The following SCMH1 variants were observed in gnomAD, a reference collection of about 807,000 sequenced individuals.
The protein encoded by SCMH1 is polycomb protein SCMH1.
Under a neutral mutation model 70.8 loss-of-function variants are expected in SCMH1, and 37 were observed. The observed-to-expected ratio is 0.52, with a 90% CI of 0.40 to 0.69. The LOEUF is 0.69. Among genes scored for constraint, SCMH1 ranks in the 30% least tolerant of loss-of-function variants. The pLI, the probability that SCMH1 is intolerant of heterozygous loss-of-function variation, is 0.00. For synonymous variants in SCMH1, 292 were observed against 307.4 expected (o/e 0.95, Z 0.52); for missense variants, 607 against 827.3 (o/e 0.73, Z 3.27).
At chr1:41,242,276 G>A (rs983166719), upstream of SCMH1, 9 of 145,196 alleles carry the variant, frequency 6.2e-5, no homozygotes, top group Non-Finnish European at 1.2e-4. The surrounding 1 kb of genome is among the most constrained non-coding windows in gnomAD (Gnocchi z 5.2). Context: ...CCGCTGCGAG[G>A]TGGCGCGCGC....
chr1:41,235,519 C>T (rs938276042), intron 1 of SCMH1, among the ~76,000 whole-genome samples: 2 of 140,106 alleles, frequency 1.4e-5, no homozygotes, highest in African/African-American at 5.4e-5. Context: ...TGCAGTGAGC[C>T]GAGATCGCAC....
chr1:41,233,411 T>C (rs969414079), intron 1 of SCMH1, among the ~76,000 whole-genome samples: 1 of 152,106 alleles, frequency 6.6e-6, no homozygotes, highest in African/African-American at 2.4e-5. Flanking sequence ...ATAAACAAAA[T>C]TGTCACTATC....
At chr1:41,223,056 T>C (rs1336241121) in intron 1 of SCMH1, among the ~76,000 whole-genome samples, 1 of 152,188 alleles carries the variant, frequency 6.6e-6, no homozygotes, top group African/African-American at 2.4e-5. Context: ...TATCCCCTAA[T>C]CTGAATTTTC....
intron 12 of SCMH1, among the ~76,000 whole-genome samples, chr1:41,038,507 C>T (rs1645631413): frequency 6.6e-6 from 1 of 152,146 alleles, no homozygotes; most frequent in African/African-American, 2.4e-5. Context: ...CTGATGAACA[C>T]TAAATTTGAG....
intron 14 of SCMH1, 82 bp from the exon 16 acceptor site, chr1:41,028,401 A>G: frequency 1.3e-6 from 2 of 1,569,764 alleles, no homozygotes; most frequent in Non-Finnish European, 8.7e-7. Context: ...GGTTCTGATT[A>G]TAGGCCATCC....
chr1:41,075,214 C>G lies in SCMH1; in HGVS notation c.978+5G>C. The G allele has an allele frequency of 6.2e-7, 1 of 1,613,874 alleles. No individual in the cohort carries two copies. Reference sequence around the variant, plus strand: ...TCCTTTCTGGGAAACCCACATTTTACCTACCTTGCTGCCAGGTTTGGGACC... The same window carrying G: ...TCCTTTCTGGGAAACCCACATTTTAGCTACCTTGCTGCCAGGTTTGGGACC... On this transcript the variant is annotated splice_donor_5th_base_variant and intron_variant, in intron 9 of 14. Transcript: ENST00000337495.
chr1:41,097,600 T>C (rs1665448349), intron 8 of SCMH1, among the ~76,000 whole-genome samples: 1 of 152,150 alleles, frequency 6.6e-6, no homozygotes, highest in African/African-American at 2.4e-5. Flanking sequence ...TCCCAAGTAG[T>C]TGGGACTACA....
intron 10 of SCMH1, among the ~76,000 whole-genome samples, chr1:41,067,119 T>G (rs1654857209): frequency 6.6e-6 from 1 of 152,112 alleles, no homozygotes; most frequent in Non-Finnish European, 1.5e-5. Flanking sequence ...GTGAAACATC[T>G]GGACAATGAA....
At chr1:41,124,636 C>G (rs1001276366) in intron 6 of SCMH1, among the ~76,000 whole-genome samples, 5 of 151,956 alleles carry the variant, frequency 3.3e-5, no homozygotes, top group African/African-American at 1.2e-4. Flanking sequence ...GAGACAGGGT[C>G]TTTCTCTGTT....
intron 10 of SCMH1, among the ~76,000 whole-genome samples, chr1:41,052,917 C>CTTTT (rs113009874): frequency 1.3e-4 from 17 of 134,780 alleles, no homozygotes; most frequent in African/African-American, 1.7e-4. Context: ...AAATTGTAGG[C>CTTTT]TTTTTTTTTT....
intron 13 of SCMH1, among the ~76,000 whole-genome samples, chr1:41,031,330 C>T (rs554041395): frequency 5.3e-5 from 8 of 152,120 alleles, no homozygotes; most frequent in African/African-American, 1.7e-4. Flanking sequence ...CCTCCCCCAC[C>T]GCCACCACAC....
chr1:41,107,062 T>C (rs554909666), intron 8 of SCMH1, among the ~76,000 whole-genome samples: 1 of 151,816 alleles, frequency 6.6e-6, no homozygotes, highest in Non-Finnish European at 1.5e-5. Flanking sequence ...CTGTTTCCAC[T>C]GCTAGAGAGA....
intron 1 of SCMH1, among the ~76,000 whole-genome samples, chr1:41,203,948 T>A (rs1221237428): frequency 6.6e-6 from 1 of 152,184 alleles, no homozygotes; most frequent in Non-Finnish European, 1.5e-5. Flanking sequence ...TTCACACCTC[T>A]ATATTTCTGT....
chr1:41,063,992 C>T (rs1653709258), intron 10 of SCMH1, among the ~76,000 whole-genome samples: 1 of 152,042 alleles, frequency 6.6e-6, no homozygotes, highest in Non-Finnish European at 1.5e-5. Context: ...CAGCATTGTC[C>T]TCAACAAAGT....
At chr1:41,047,338 G>T (rs1646989086) in intron 11 of SCMH1, among the ~76,000 whole-genome samples, 1 of 151,276 alleles carries the variant, frequency 6.6e-6, no homozygotes, top group Non-Finnish European at 1.5e-5. Context: ...AGACCAGGGA[G>T]TAGGCTGGGC....
intron 1 of SCMH1, among the ~76,000 whole-genome samples, chr1:41,197,158 T>C (rs1653222864): frequency 6.6e-6 from 1 of 152,058 alleles, no homozygotes; most frequent in Non-Finnish European, 1.5e-5. Context: ...AAGTCAAATG[T>C]GGAATTATCA....
chr1:41,183,129 C>T (rs187728557), intron 2 of SCMH1, among the ~76,000 whole-genome samples: 22 of 152,288 alleles, frequency 1.4e-4, no homozygotes, highest in Non-Finnish European at 2.8e-4. Flanking sequence ...CTCTTGTCCT[C>T]CAAATCCAAC....
intron 1 of SCMH1, among the ~76,000 whole-genome samples, chr1:41,200,497 GTAATAATAATAATAATAATA>G (rs1202439876): frequency 6.8e-6 from 1 of 146,278 alleles, no homozygotes. Context: ...ATAAATAAAT[GTAATAATAATAATAATAATA>G]TAATAATAAT....
chr1:41,090,643 T>C (rs1389260226), intron 8 of SCMH1, among the ~76,000 whole-genome samples: 1 of 152,178 alleles, frequency 6.6e-6, no homozygotes, highest in Non-Finnish European at 1.5e-5. Context: ...CATAAATATG[T>C]ATAACAATTA....
Sources: gnomAD v4.1 joint callset for allele counts (sites outside exome capture counted in the v4.1 genomes callset) on GRCh38, gnomAD v4.1.1 for gene constraint, Gnocchi (gnomAD v3.1) non-coding constraint, MANE v1.5 for transcripts, NCBI Gene and HGNC (gene_info 2026-07-23, HGNC 2026-07-21) for gene names.